Variants in PTPRT observed in about 807,000 individuals in gnomAD.
The protein encoded by PTPRT is receptor-type tyrosine-protein phosphatase T.
In PTPRT, 56 loss-of-function variants were observed where a neutral mutation model predicts 176.8. The ratio of observed to expected loss-of-function variants is 0.32; its 90% CI spans 0.26 to 0.40. The LOEUF (loss-of-function observed/expected upper bound fraction) is 0.40, where lower values mean the gene tolerates loss of function less well. Ranked by LOEUF, PTPRT falls within the 10% of genes least tolerant of loss-of-function variation. PTPRT has a pLI of 1.00. For synonymous variants in PTPRT, 783 were observed against 739.0 expected, an observed-to-expected ratio of 1.06 and a Z score of -0.96; for missense variants, 1,540 against 1,908.2, an observed-to-expected ratio of 0.81 and a Z score of 3.60.
At chr20:42,267,010 TA>T (rs1568723263) in intron 13 of PTPRT, among the ~76,000 whole-genome samples, 13 of 152,176 alleles carry the variant, frequency 8.5e-5, no homozygotes, top group African/African-American at 2.9e-4. Context: ...TTTTGCTGCA[TA>T]TAATAATAAT....
chr20:42,368,933 C>A (rs1338687282), intron 9 of PTPRT, among the ~76,000 whole-genome samples: 1 of 152,140 alleles, frequency 6.6e-6, no homozygotes, highest in Non-Finnish European at 1.5e-5. Flanking sequence ...GGCTGCCTAG[C>A]CTGTGTGTGA....
intron 16 of PTPRT, among the ~76,000 whole-genome samples, chr20:42,186,626 C>A (rs896501103): frequency 2.0e-5 from 3 of 152,060 alleles, no homozygotes. Flanking sequence ...GGACTTTGAT[C>A]TTTAGCTTAT....
chr20:42,451,697 G>A (rs1031803739), intron 8 of PTPRT, among the ~76,000 whole-genome samples: 2 of 152,230 alleles, frequency 1.3e-5, no homozygotes, highest in Admixed American at 6.5e-5. Flanking sequence ...CACAAATATG[G>A]CTGAGTAGTC....
chr20:42,784,077 C>T (rs1365988390), intron 3 of PTPRT, among the ~76,000 whole-genome samples: 1 of 152,178 alleles, frequency 6.6e-6, no homozygotes, highest in Non-Finnish European at 1.5e-5. Flanking sequence ...CATTAGAGAC[C>T]TCCTGGTGCG....
At chr20:42,973,921 A>T (rs1982798084) in intron 1 of PTPRT, among the ~76,000 whole-genome samples, 1 of 152,180 alleles carries the variant, frequency 6.6e-6, no homozygotes, top group Admixed American at 6.5e-5. Context: ...GATGCAGAAG[A>T]GAGATGCTAA....
intron 9 of PTPRT, among the ~76,000 whole-genome samples, chr20:42,376,791 G>A (rs1379881973): frequency 6.6e-6 from 1 of 152,112 alleles, no homozygotes; most frequent in Non-Finnish European, 1.5e-5. Flanking sequence ...ACGAAAAAAT[G>A]GTGACAAATT....
chr20:42,883,023 A>G (rs1600514376), intron 2 of PTPRT, among the ~76,000 whole-genome samples: 1 of 152,188 alleles, frequency 6.6e-6, no homozygotes, highest in Non-Finnish European at 1.5e-5. Context: ...GAGCATGATG[A>G]TGATTTGGAG....
In PTPRT at chr20:43,120,530, C is replaced by A. The variant is rs531832447; in HGVS notation, c.88+69116G>T. Among the ~76,000 whole-genome samples the A allele has an allele frequency of 2.0e-5, 3 of 152,354 alleles. No homozygotes were observed. The East Asian group carries it at 5.8e-4, about 29-fold the overall frequency. On this transcript the variant is annotated intron_variant, in intron 1 of 30. Coordinates refer to ENST00000373187, the MANE Select transcript of PTPRT (RefSeq NM_007050.6). Reference sequence around the variant, plus strand: ...TCGTGATCCGCCCGCCTCGGTCTCCCAAAGTGCTGGGATTGCAGGCGTGAG... The same window carrying A: ...TCGTGATCCGCCCGCCTCGGTCTCCAAAAGTGCTGGGATTGCAGGCGTGAG...
At position 43,051,732 on chromosome 20, in the gene PTPRT, GA is replaced by G. The variant is rs199583026; in HGVS notation, c.88+137913del. Among the ~76,000 whole-genome samples, 5 of 150,100 alleles carry G rather than the reference GA, an allele frequency of 3.3e-5. No individual in the cohort carries two copies. In the East Asian group the frequency reaches 9.8e-4, roughly 29 times the overall value. On this transcript the variant is annotated intron_variant, in intron 1 of 30. Coordinates refer to ENST00000373187, the MANE Select transcript of PTPRT (RefSeq NM_007050.6). ...TTGAACCGCAGCTGTATCTCTCTAG[GA>G]AAAAAATCTCATCAAAGACAATATT... is the stretch of plus-strand genomic sequence containing the variant.
chr20:42,795,775 T>C (rs1198180520), intron 2 of PTPRT, among the ~76,000 whole-genome samples: 1 of 152,252 alleles, frequency 6.6e-6, no homozygotes, highest in Non-Finnish European at 1.5e-5. Context: ...GTTGTGTGAC[T>C]TTGAGCAAGT....
At chr20:42,955,480 T>A (rs1337364932) in intron 1 of PTPRT, among the ~76,000 whole-genome samples, 1 of 152,302 alleles carries the variant, frequency 6.6e-6, no homozygotes, top group African/African-American at 2.4e-5. Context: ...CCCTACTAAG[T>A]GCATGCCTGA....
intron 2 of PTPRT, among the ~76,000 whole-genome samples, chr20:42,815,644 T>C (rs2077769975): frequency 6.6e-6 from 1 of 152,082 alleles, no homozygotes; most frequent in African/African-American, 2.4e-5. Context: ...AAAAGCAAAA[T>C]GATCACTGAT....
chr20:42,502,506 T>C (rs2071769943), intron 7 of PTPRT, among the ~76,000 whole-genome samples: 1 of 151,912 alleles, frequency 6.6e-6, no homozygotes, highest in South Asian at 2.1e-4. Flanking sequence ...CTGAAATATA[T>C]ATAAAAGGAA....
At chr20:42,041,952 C>T in the PTPRT span, among the ~76,000 whole-genome samples, 1 of 152,146 alleles carries the variant, frequency 6.6e-6, no homozygotes, top group Non-Finnish European at 1.5e-5. Context: ...ATTCACCCTG[C>T]CCTAAGTATT....
chr20:42,175,553 C>T (rs1990257140), intron 16 of PTPRT, among the ~76,000 whole-genome samples: 1 of 152,090 alleles, frequency 6.6e-6, no homozygotes, highest in Non-Finnish European at 1.5e-5. Flanking sequence ...TGGGAATGGG[C>T]ATGAGGGATC....
At chr20:42,460,087 G>T (rs530401876) in intron 8 of PTPRT, among the ~76,000 whole-genome samples, 6 of 152,232 alleles carry the variant, frequency 3.9e-5, no homozygotes, top group Non-Finnish European at 8.8e-5. Context: ...TTTTGAATGT[G>T]TTTAATTCCA....
At chr20:42,610,329 GACA>G (rs2073952639) in intron 7 of PTPRT, among the ~76,000 whole-genome samples, 1 of 151,832 alleles carries the variant, frequency 6.6e-6, no homozygotes, top group South Asian at 2.1e-4. Context: ...TTGGAGAGCA[GACA>G]ACATGTTAAG....
chr20:42,667,164 A>G (rs1318092310), intron 7 of PTPRT, among the ~76,000 whole-genome samples: 1 of 152,202 alleles, frequency 6.6e-6, no homozygotes, highest in Non-Finnish European at 1.5e-5. Context: ...GAAAACACCC[A>G]ACTGGGCCAT....
At chr20:42,282,293 A>G (rs2057152893) in intron 13 of PTPRT, among the ~76,000 whole-genome samples, 196 bp downstream of exon 13, 1 of 152,160 alleles carries the variant, frequency 6.6e-6, no homozygotes, top group African/African-American at 2.4e-5. Context: ...TATGTTTTAA[A>G]CTTTTACTCT....
Sources: allele counts gnomAD v4.1 joint callset (sites outside exome capture counted in the v4.1 genomes callset), GRCh38; gene constraint gnomAD v4.1.1; transcripts MANE v1.5; gene names NCBI Gene and HGNC (gene_info 2026-07-23, HGNC 2026-07-21).